The following ZNF469 variants were observed in gnomAD, a reference collection of about 807,000 sequenced individuals.
The protein encoded by ZNF469 is zinc finger protein 469.
Under a neutral mutation model 1.0 loss-of-function variants are expected in ZNF469, and 1 was observed. The observed-to-expected ratio is 1.00, with a 90% confidence interval of 0.35 to 4.73. The LOEUF (loss-of-function observed/expected upper bound fraction) is 4.73, where lower values mean the gene tolerates loss of function less well. Ranked by LOEUF, ZNF469 falls within the 30% of genes most tolerant of loss-of-function variation. The probability of loss-of-function intolerance (pLI) is 0.16; values close to 1 mark genes in which losing one functional copy is unlikely to be tolerated. For missense variants in ZNF469, 6,100 were observed against 5,356.3 expected, an observed-to-expected ratio of 1.14 and a Z score of -4.33; for synonymous variants, 2,703 against 2,363.4, an observed-to-expected ratio of 1.14 and a Z score of -4.17.
the ZNF469 span, among the ~76,000 whole-genome samples, chr16:88,190,842 C>T: frequency 6.6e-6 from 1 of 152,214 alleles, no homozygotes; most frequent in African/African-American, 2.4e-5. Context: ...TAACACACTG[C>T]CACAAACTGG....
the ZNF469 span, among the ~76,000 whole-genome samples, chr16:88,135,614 A>G: frequency 8.5e-4 from 130 of 152,156 alleles, 1 homozygote; most frequent in Non-Finnish European, 1.5e-3. Flanking sequence ...GAGCACTCAC[A>G]CCCGGAGGAG....
the ZNF469 span, among the ~76,000 whole-genome samples, chr16:88,275,598 G>A: frequency 3.3e-5 from 5 of 152,208 alleles, no homozygotes; most frequent in Non-Finnish European, 5.9e-5. Context: ...GGGAGGCGCG[G>A]CTTTCTCCTC....
At chr16:88,373,675 G>A in the ZNF469 span, among the ~76,000 whole-genome samples, 1 of 152,222 alleles carries the variant, frequency 6.6e-6, no homozygotes, top group African/African-American at 2.4e-5. Context: ...GCTACCTTCA[G>A]GGGAGGAATC....
chr16:88,137,656 C>T, the ZNF469 span, among the ~76,000 whole-genome samples: 3 of 152,244 alleles, frequency 2.0e-5, no homozygotes, highest in Non-Finnish European at 2.9e-5. Flanking sequence ...TGCATACCAC[C>T]ATGTGTGCCT....
the ZNF469 span, among the ~76,000 whole-genome samples, chr16:88,217,108 C>T: frequency 9.4e-4 from 143 of 152,210 alleles, no homozygotes; most frequent in African/African-American, 3.2e-3. Context: ...GGTTTTTGGT[C>T]GTGTGGTCCT....
At chr16:88,230,757 G>C in the ZNF469 span, among the ~76,000 whole-genome samples, 3 of 152,202 alleles carry the variant, frequency 2.0e-5, no homozygotes, top group Non-Finnish European at 4.4e-5. Context: ...AACATGGAAC[G>C]TACCAAGGAG....
At chr16:88,306,509 C>T in the ZNF469 span, among the ~76,000 whole-genome samples, 3 of 152,188 alleles carry the variant, frequency 2.0e-5, no homozygotes, top group African/African-American at 7.2e-5. Context: ...AGTGGGAAGC[C>T]CTCAGGAAGA....
the ZNF469 span, among the ~76,000 whole-genome samples, chr16:88,376,563 C>G: frequency 6.6e-6 from 1 of 152,242 alleles, no homozygotes; most frequent in Non-Finnish European, 1.5e-5. Context: ...GGCTGGGGTT[C>G]CCGCGGCCGG....
chr16:88,167,222 C>T, the ZNF469 span, among the ~76,000 whole-genome samples: 19 of 152,086 alleles, frequency 1.2e-4, no homozygotes, highest in East Asian at 2.1e-3. Context: ...CCACCGTGCC[C>T]GGCTAATTTT....
At chr16:88,112,944 A>AT in the ZNF469 span, among the ~76,000 whole-genome samples, 2 of 151,346 alleles carry the variant, frequency 1.3e-5, no homozygotes, top group Non-Finnish European at 2.9e-5. Flanking sequence ...CGCCTGGCTA[A>AT]TTTTTTTGCA....
intron 1 of ZNF469, among the ~76,000 whole-genome samples, chr16:88,399,007 G>A (rs540332936): frequency 6.6e-6 from 1 of 152,340 alleles, no homozygotes; most frequent in South Asian, 2.1e-4. Context: ...GCATAGAGAC[G>A]TTAACCACTG....
the ZNF469 span, among the ~76,000 whole-genome samples, chr16:88,153,600 G>A: frequency 9.9e-5 from 15 of 152,226 alleles, no homozygotes; most frequent in Non-Finnish European, 1.6e-4. Context: ...CCCTCAGCAG[G>A]GTCGCTGACT....
chr16:88,182,994 G>C, the ZNF469 span, among the ~76,000 whole-genome samples: 1 of 152,296 alleles, frequency 6.6e-6, no homozygotes, highest in South Asian at 2.1e-4. Context: ...ACACATTTCT[G>C]ACAGGGGACT....
At chr16:88,238,198 G>A in the ZNF469 span, among the ~76,000 whole-genome samples, 10 of 152,238 alleles carry the variant, frequency 6.6e-5, no homozygotes, top group Admixed American at 3.9e-4. Flanking sequence ...CTGCCATGTG[G>A]CCGGCAGCAC....
chr16:88,353,475 C>G, the ZNF469 span, among the ~76,000 whole-genome samples: 1 of 152,212 alleles, frequency 6.6e-6, no homozygotes, highest in African/African-American at 2.4e-5. Context: ...TCACGCTGTA[C>G]AGAGCCACCA....
At chr16:88,127,810 A>G in the ZNF469 span, among the ~76,000 whole-genome samples, 124,247 of 152,192 alleles carry the variant, frequency 0.82, 51,392 homozygotes, top group Middle Eastern at 0.91. Context: ...GGAAAACTCC[A>G]TTTCTTGAAG....
chr16:88,331,317 G>C, the ZNF469 span, among the ~76,000 whole-genome samples: 1 of 132,516 alleles, frequency 7.5e-6, no homozygotes, highest in Non-Finnish European at 1.6e-5. Flanking sequence ...TATCATCATT[G>C]TTACCATGAC....
the ZNF469 span, among the ~76,000 whole-genome samples, chr16:88,357,934 C>T: frequency 3.9e-5 from 6 of 152,242 alleles, no homozygotes; most frequent in Admixed American, 1.3e-4. Flanking sequence ...AGGCGCCTTC[C>T]ACACCCGCAG....
chr16:88,199,073 G>C, the ZNF469 span, among the ~76,000 whole-genome samples: 34,303 of 151,996 alleles, frequency 0.23, 4,331 homozygotes, highest in Non-Finnish European at 0.29. Context: ...TCCCCCAAAT[G>C]CCACCAGGGT....
Sources: allele counts gnomAD v4.1 joint callset (sites outside exome capture counted in the v4.1 genomes callset), GRCh38; gene constraint gnomAD v4.1.1; transcripts MANE v1.5; gene names NCBI Gene and HGNC (gene_info 2026-07-23, HGNC 2026-07-21).